The following GLI3 variants were observed in gnomAD, a reference collection of about 807,000 sequenced individuals.
GLI3 encodes the protein GLI family zinc finger 3, also known as transcription activator GLI3.
GLI3 carries 20 observed loss-of-function variants against 100.8 expected under a neutral mutation model. The ratio of observed to expected loss-of-function variants is 0.20; its 90% confidence interval spans 0.14 to 0.29. The LOEUF is 0.29. Ranked by LOEUF, GLI3 falls within the 10% of genes least tolerant of loss-of-function variation. The pLI, the probability that GLI3 is intolerant of heterozygous loss-of-function variation, is 1.00. For synonymous variants in GLI3, 938 were observed against 860.5 expected (o/e 1.09, Z -1.58); for missense variants, 2,040 against 2,128.5 (o/e 0.96, Z 0.82).
intron 3 of GLI3, among the ~76,000 whole-genome samples, chr7:42,143,200 G>A (rs1044838625): frequency 6.6e-6 from 1 of 152,188 alleles, no homozygotes; most frequent in African/African-American, 2.4e-5. Flanking sequence ...CCCCCAGGGT[G>A]TGACCCAACA....
intron 3 of GLI3, among the ~76,000 whole-genome samples, chr7:42,077,971 A>T (rs1288135377): frequency 1.3e-5 from 2 of 152,162 alleles, no homozygotes; most frequent in African/African-American, 4.8e-5. Flanking sequence ...CCTAGAGCCA[A>T]CACTGCTGAG....
At chr7:42,155,998 G>C (rs551463951) in intron 2 of GLI3, among the ~76,000 whole-genome samples, 2 of 152,074 alleles carry the variant, frequency 1.3e-5, no homozygotes, top group Admixed American at 6.5e-5. Flanking sequence ...GGATGCTTCT[G>C]AACACTGATG....
chr7:42,171,317 A>T (rs1334430054), intron 2 of GLI3, among the ~76,000 whole-genome samples: 1 of 152,236 alleles, frequency 6.6e-6, no homozygotes, highest in Non-Finnish European at 1.5e-5. Context: ...ATTTTTTAAA[A>T]AACTTTTCCT....
intron 2 of GLI3, among the ~76,000 whole-genome samples, chr7:42,210,825 G>C (rs1788258673): frequency 6.6e-6 from 1 of 152,078 alleles, no homozygotes; most frequent in African/African-American, 2.4e-5. Flanking sequence ...GGTACGTGTA[G>C]GACCATGTTT....
At chr7:42,263,427 A>G (rs1005594405) in intron 1 of GLI3, among the ~76,000 whole-genome samples, 3 of 148,096 alleles carry the variant, frequency 2.0e-5, no homozygotes, top group African/African-American at 7.5e-5. Flanking sequence ...GAACTCATAA[A>G]CATCTTCTTA....
rs562090095 is a variant in GLI3, at chr7:41,961,878, T to C, written c.*2452A>G. On this transcript the variant is annotated 3_prime_UTR_variant, in exon 15 of 15. Transcript: ENST00000395925. ...TCTTCTTCCTCCCTCCTCTCCTCTG[T>C]CCTTCTGAAATTTCCATATTGAGAG... The C allele has an allele frequency of 1.3e-5, 2 of 152,258 alleles. No homozygotes were observed. The highest frequency in any genetic ancestry group is 2.4e-5 in the African/African-American group (1 of 41,544). The allele number at this position is 152,258 out of a possible 1,614,324, so 9.4% of individuals were successfully genotyped here.
At chr7:42,088,005 G>A (rs987548991) in intron 3 of GLI3, among the ~76,000 whole-genome samples, 2 of 152,132 alleles carry the variant, frequency 1.3e-5, no homozygotes, top group African/African-American at 4.8e-5. Flanking sequence ...GGATGAGCAA[G>A]GAAATGATAG....
chr7:42,200,995 C>T (rs911910653), intron 2 of GLI3, among the ~76,000 whole-genome samples: 8 of 152,046 alleles, frequency 5.3e-5, no homozygotes, highest in African/African-American at 1.9e-4. Context: ...GTACAGTAGT[C>T]CCCCCTTATC....
chr7:42,117,128 T>C (rs1211548736), intron 3 of GLI3, among the ~76,000 whole-genome samples: 1 of 152,180 alleles, frequency 6.6e-6, no homozygotes, highest in Admixed American at 6.5e-5. Context: ...ACTTTTGGTG[T>C]TGGCTTTCAA....
chr7:42,219,711 C>T (rs187680361), intron 2 of GLI3, among the ~76,000 whole-genome samples: 219 of 152,274 alleles, frequency 1.4e-3, no homozygotes, highest in African/African-American at 4.9e-3. Flanking sequence ...CACAGAATGG[C>T]TGGAAAAGTT....
chr7:42,104,952 T>C (rs1299993837), intron 3 of GLI3, among the ~76,000 whole-genome samples: 2 of 152,342 alleles, frequency 1.3e-5, no homozygotes, highest in Admixed American at 6.5e-5. Context: ...TTCTACTGTT[T>C]ATAGGCCACT....
chr7:42,009,062 T>C (rs1788537060), intron 10 of GLI3, among the ~76,000 whole-genome samples: 2 of 152,210 alleles, frequency 1.3e-5, no homozygotes, highest in Non-Finnish European at 2.9e-5. Flanking sequence ...AGCACGATTC[T>C]AGAAACAGCT....
At position 42,026,248 on chromosome 7, in the gene GLI3, G is replaced by A. The variant is rs529978440; in HGVS notation, c.1193C>T (p.Thr398Met). 7.9e-5 allele frequency: 128 copies of A among 1,613,980 alleles called. No homozygotes were observed. The highest frequency in any genetic ancestry group is 6.6e-4 in the Middle Eastern group (4 of 6,060). Residue 398 changes from threonine to methionine, a missense_variant, in exon 8 of 15, where the codon ACG becomes ATG. Around this residue, in one of 5 missense-constraint regions of GLI3, gnomAD observed 603 missense variants for 690.9 expected, o/e 0.87. Coordinates refer to ENST00000395925, the MANE Select transcript of GLI3 (RefSeq NM_000168.6). ...PTQRPIPGIP[T>M]VLNPVQVSSG... is the part of the protein sequence containing the mutation. ...GCTGACCTGGACGGGGTTCAGAACC[G>A]TAGGGATCCCTGGAATAGGCCTCTG...
Position 42,199,243 on chromosome 7 carries a change from A to T in GLI3, c.124+23887T>A, listed in dbSNP as rs536186374. Among the ~76,000 whole-genome samples, 15 of 152,286 alleles carry T rather than the reference A, an allele frequency of 9.8e-5. No individual in the cohort carries two copies. In the South Asian group the frequency reaches 2.9e-3, roughly 29 times the overall value. On this transcript the variant is annotated intron_variant, in intron 2 of 14. Coordinates refer to ENST00000395925, the MANE Select transcript of GLI3 (RefSeq NM_000168.6). ...AACATTTCTAAAATTTCTGAAAATG[A>T]TTTTCAGGCCTCTAGCCTGCTTTGG...
At chr7:42,143,575 T>C (rs1489717774) in intron 3 of GLI3, among the ~76,000 whole-genome samples, 1 of 152,120 alleles carries the variant, frequency 6.6e-6, no homozygotes, top group Non-Finnish European at 1.5e-5. Flanking sequence ...AGAAAAAAAA[T>C]CTATGCAGTT....
At chr7:42,128,983 T>C (rs556630037) in intron 3 of GLI3, among the ~76,000 whole-genome samples, 1 of 152,294 alleles carries the variant, frequency 6.6e-6, no homozygotes, top group South Asian at 2.1e-4. Flanking sequence ...ATGCAACATA[T>C]TTAATCCATC....
chr7:42,035,547 A>G (rs912064515), intron 7 of GLI3, among the ~76,000 whole-genome samples: 13 of 152,358 alleles, frequency 8.5e-5, no homozygotes, highest in African/African-American at 2.4e-4. Flanking sequence ...TCCTGGTCAC[A>G]CCAGAATTAA....
chr7:41,998,656 A>T (rs757375241), intron 10 of GLI3, among the ~76,000 whole-genome samples: 9 of 152,126 alleles, frequency 5.9e-5, no homozygotes, highest in Non-Finnish European at 1.2e-4. Flanking sequence ...ATTGGCAGAG[A>T]CTCTGAATGG....
At chr7:42,143,446 G>A (rs185699702) in intron 3 of GLI3, among the ~76,000 whole-genome samples, 1 of 152,194 alleles carries the variant, frequency 6.6e-6, no homozygotes, top group Non-Finnish European at 1.5e-5. Flanking sequence ...TAGTAAGAGA[G>A]AGAAGTATGA....
Sources: allele counts gnomAD v4.1 joint callset (sites outside exome capture counted in the v4.1 genomes callset), GRCh38; gene constraint gnomAD v4.1.1; regional missense constraint gnomAD v4.1.1; transcripts MANE v1.5; gene names NCBI Gene and HGNC (gene_info 2026-07-23, HGNC 2026-07-21).